NRG1: variants seen among roughly 807,000 people sequenced by gnomAD.
NRG1 encodes the protein pro-neuregulin-1, membrane-bound isoform.
Under a neutral mutation model 63.8 loss-of-function variants are expected in NRG1, and 18 were observed. The ratio of observed to expected loss-of-function variants is 0.28; its 90% CI spans 0.19 to 0.42. The LOEUF (loss-of-function observed/expected upper bound fraction) is 0.42, where lower values mean the gene tolerates loss of function less well. NRG1 is among the 10% of genes least tolerant of loss of function. The pLI is 1.00. For missense variants in NRG1, 762 were observed against 814.7 expected, an observed-to-expected ratio of 0.94 and a Z score of 0.79; for synonymous variants, 302 against 301.3, an observed-to-expected ratio of 1.00 and a Z score of -0.02.
chr8:31,749,832 A>G (rs1563357674), intron 1 of NRG1, among the ~76,000 whole-genome samples: 1 of 151,604 alleles, frequency 6.6e-6, no homozygotes. Flanking sequence ...AGGCTTGTTT[A>G]TACTCTTTTG....
intron 1 of NRG1, among the ~76,000 whole-genome samples, chr8:31,995,598 C>A (rs963156901): frequency 6.6e-5 from 10 of 151,804 alleles, no homozygotes; most frequent in African/African-American, 2.4e-4. Context: ...AAAGTGAGGA[C>A]CCTGGGTTAT....
At chr8:32,760,912 A>G in intron 11 of NRG1, 2 of 992,942 alleles carry the variant, frequency 2.0e-6, no homozygotes, top group Non-Finnish European at 2.4e-6. Context: ...ATGGGGGGCA[A>G]CTGCTTGCCC....
intron 1 of NRG1, among the ~76,000 whole-genome samples, chr8:32,091,890 G>A (rs1829210819): frequency 1.3e-5 from 2 of 152,100 alleles, no homozygotes; most frequent in South Asian, 4.1e-4. Context: ...TATTGTAGGG[G>A]AGACTTTTGG....
intron 1 of NRG1, among the ~76,000 whole-genome samples, chr8:32,060,947 G>T (rs1823746894): frequency 6.6e-6 from 1 of 151,678 alleles, no homozygotes; most frequent in African/African-American, 2.4e-5. Context: ...TACTTTCAGG[G>T]ACCAATGTTG....
rs555645770 is a variant in NRG1 at position 32,092,773 on chromosome 8, T to A, written c.37+453342T>A. ...GACCAAGCCTTGAGGACCACGGAGA[T>A]AAAGAAGTTCCAATGCCACCTGTCC... On this transcript the variant is annotated intron_variant, in intron 1 of 10. Coordinates refer to the NRG1 transcript ENST00000519301. 6.6e-5 allele frequency among the ~76,000 whole-genome samples: 10 copies of A among 152,140 alleles called. No homozygotes were observed. In the South Asian group the frequency reaches 2.1e-3, roughly 32 times the overall value.
intron 5 of NRG1, among the ~76,000 whole-genome samples, chr8:32,622,830 T>A (rs1848575742): frequency 1.3e-5 from 2 of 152,206 alleles, no homozygotes; most frequent in Non-Finnish European, 2.9e-5. Context: ...GGAAGAGAGC[T>A]AGTGTGTGGA....
At chr8:31,742,455 A>ATC (rs1385507257) in intron 1 of NRG1, among the ~76,000 whole-genome samples, 4 of 80,026 alleles carry the variant, frequency 5.0e-5, no homozygotes, top group Non-Finnish European at 9.3e-5. Flanking sequence ...TTTTTTAAGA[A>ATC]TTTTTTTTTT....
At chr8:32,764,019 G>C in exon 12 of NRG1, 1 of 1,614,104 alleles carries the variant, frequency 6.2e-7, no homozygotes, top group Admixed American at 1.7e-5. Flanking sequence ...CAGCCTCCCT[G>C]CTAGCCCCTT....
chr8:31,821,463 C>T (rs1464263577), intron 1 of NRG1, among the ~76,000 whole-genome samples: 5 of 152,184 alleles, frequency 3.3e-5, no homozygotes, highest in African/African-American at 1.2e-4. Flanking sequence ...AATAGTTCTA[C>T]TCCCACTTTG....
intron 1 of NRG1, among the ~76,000 whole-genome samples, chr8:32,161,702 G>C (rs1012896895): frequency 3.3e-5 from 5 of 152,086 alleles, no homozygotes; most frequent in African/African-American, 9.7e-5. Context: ...TTCTTGGTTG[G>C]GTTGTTCCTT....
At chr8:32,148,602 C>T (rs1030610408) in intron 1 of NRG1, among the ~76,000 whole-genome samples, 3 of 152,170 alleles carry the variant, frequency 2.0e-5, no homozygotes, top group South Asian at 2.1e-4. Context: ...GAAAGATTTT[C>T]AGGCACTGAT....
chr8:32,525,637 T>A (rs1036468061), intron 1 of NRG1, among the ~76,000 whole-genome samples: 1 of 152,116 alleles, frequency 6.6e-6, no homozygotes, highest in Non-Finnish European at 1.5e-5. Context: ...CCCCACTACA[T>A]GGAGAAGGCT....
intron 1 of NRG1, among the ~76,000 whole-genome samples, chr8:31,707,156 C>T (rs1008923488): frequency 1.7e-4 from 26 of 151,924 alleles, no homozygotes; most frequent in Admixed American, 4.6e-4. Flanking sequence ...ATTTTTTGTA[C>T]TTTTGTATTA....
At chr8:32,503,343 T>C (rs887941168) in intron 1 of NRG1, among the ~76,000 whole-genome samples, 3 of 149,396 alleles carry the variant, frequency 2.0e-5, no homozygotes, top group Non-Finnish European at 4.5e-5. Flanking sequence ...AGATAAACTT[T>C]AGTAATTAGT....
At chr8:32,722,023 A>C (rs1385328870) in intron 5 of NRG1, 1 of 1,548,598 alleles carries the variant, frequency 6.5e-7, no homozygotes, top group Admixed American at 2.0e-5. Context: ...CTAAACACAT[A>C]AGCATTGAAG....
chr8:31,870,175 T>C (rs1158692157), intron 1 of NRG1, among the ~76,000 whole-genome samples: 1 of 152,050 alleles, frequency 6.6e-6, no homozygotes, highest in Non-Finnish European at 1.5e-5. Context: ...CAGACACACT[T>C]ATCTTGCAGA....
At chr8:32,303,183 CCAAAAAAAAA>C (rs1374092280) in intron 1 of NRG1, among the ~76,000 whole-genome samples, 2 of 59,708 alleles carry the variant, frequency 3.3e-5, no homozygotes, top group Non-Finnish European at 2.9e-5. Flanking sequence ...AACTCAGTCT[CCAAAAAAAAA>C]AAAAAAAAAA....
intron 1 of NRG1, among the ~76,000 whole-genome samples, chr8:31,751,153 C>T (rs1041724167): frequency 3.3e-5 from 5 of 151,952 alleles, no homozygotes; most frequent in East Asian, 1.9e-4. Context: ...AAATAATATT[C>T]GTTGACTGTT....
At chr8:31,644,839 AT>A (rs1188824647) in intron 1 of NRG1, among the ~76,000 whole-genome samples, 1 of 151,932 alleles carries the variant, frequency 6.6e-6, no homozygotes. Flanking sequence ...TTAGCCTTTT[AT>A]TTGTTTTAAA....
Sources: allele counts gnomAD v4.1 joint callset (sites outside exome capture counted in the v4.1 genomes callset), GRCh38; gene constraint gnomAD v4.1.1; transcripts MANE v1.5; gene names NCBI Gene and HGNC (gene_info 2026-07-23, HGNC 2026-07-21).